The following FHIT variants were observed in gnomAD, a reference collection of about 807,000 sequenced individuals.
The protein encoded by FHIT is bis(5'-adenosyl)-triphosphatase.
FHIT carries 19 observed loss-of-function variants against 17.9 expected under a neutral mutation model. That is an observed-to-expected ratio of 1.06 (90% confidence interval 0.74 to 1.56). FHIT has a LOEUF of 1.56. Among genes scored for constraint, FHIT ranks in the 40% most tolerant of loss-of-function variants. The pLI, the probability that FHIT is intolerant of heterozygous loss-of-function variation, is 0.00. For synonymous variants in FHIT, 81 were observed against 69.7 expected (o/e 1.16, Z -0.81); for missense variants, 248 against 189.2 (o/e 1.31, Z -1.82).
At chr3:60,056,441 G>T (rs1405689319) in intron 5 of FHIT, among the ~76,000 whole-genome samples, 1 of 152,210 alleles carries the variant, frequency 6.6e-6, no homozygotes, top group Non-Finnish European at 1.5e-5. Flanking sequence ...TCTATTGTTT[G>T]CAGTAAGTTT....
At chr3:60,955,645 C>CACACAT (rs1282834077) in intron 3 of FHIT, among the ~76,000 whole-genome samples, 3 of 76,184 alleles carry the variant, frequency 3.9e-5, no homozygotes, top group African/African-American at 5.7e-5. Flanking sequence ...CACACACACA[C>CACACAT]ATATATACAT....
At chr3:60,503,916 T>A (rs536259389) in intron 5 of FHIT, among the ~76,000 whole-genome samples, 1 of 152,204 alleles carries the variant, frequency 6.6e-6, no homozygotes, top group South Asian at 2.1e-4. Context: ...CAGTATTAAA[T>A]TCTTGCTCAT....
intron 4 of FHIT, among the ~76,000 whole-genome samples, chr3:60,541,899 A>G (rs2036198692): frequency 6.6e-6 from 1 of 152,148 alleles, no homozygotes; most frequent in South Asian, 2.1e-4. Flanking sequence ...ATGAGCTACT[A>G]TTATCATGAG....
chr3:60,475,707 C>A (rs1328978287), intron 5 of FHIT, among the ~76,000 whole-genome samples: 1 of 152,200 alleles, frequency 6.6e-6, no homozygotes, highest in Non-Finnish European at 1.5e-5. Context: ...AGGTTAAGCA[C>A]CCCTACACCA....
At chr3:60,288,842 T>C (rs1291798340) in intron 5 of FHIT, among the ~76,000 whole-genome samples, 1 of 152,150 alleles carries the variant, frequency 6.6e-6, no homozygotes, top group Non-Finnish European at 1.5e-5. Flanking sequence ...AACAACTATA[T>C]CTTCAAAGGA....
intron 4 of FHIT, among the ~76,000 whole-genome samples, chr3:60,630,540 C>G (rs75870404): frequency 1.3e-5 from 2 of 152,088 alleles, no homozygotes; most frequent in Admixed American, 1.3e-4. Context: ...GTCACTGTAC[C>G]ACCACCACAA....
chr3:60,610,617 G>C (rs1313175864), intron 4 of FHIT, among the ~76,000 whole-genome samples: 9 of 152,152 alleles, frequency 5.9e-5, no homozygotes, highest in Admixed American at 1.3e-4. Context: ...GAATCAACAT[G>C]AAAAATTATT....
chr3:61,223,170 C>T (rs1560091917), intron 1 of FHIT, among the ~76,000 whole-genome samples: 1 of 152,146 alleles, frequency 6.6e-6, no homozygotes, highest in African/African-American at 2.4e-5. Flanking sequence ...CAACATCTGA[C>T]ATTTAAACTA....
At chr3:60,281,590 G>A (rs1707455999) in intron 5 of FHIT, among the ~76,000 whole-genome samples, 1 of 148,110 alleles carries the variant, frequency 6.8e-6, no homozygotes, top group African/African-American at 2.5e-5. Flanking sequence ...ACAACAAATA[G>A]TGCTAGAATA....
intron 5 of FHIT, among the ~76,000 whole-genome samples, chr3:60,145,729 C>A (rs6789183): frequency 7.2e-5 from 11 of 151,990 alleles, no homozygotes; most frequent in African/African-American, 2.7e-4. Context: ...ATCCTGGTCC[C>A]CTTTATCTAT....
chr3:60,158,465 C>G (rs907736060), intron 5 of FHIT, among the ~76,000 whole-genome samples: 1 of 152,146 alleles, frequency 6.6e-6, no homozygotes, highest in Non-Finnish European at 1.5e-5. Flanking sequence ...GCACCTGCCA[C>G]CAGGCCTAGC....
intron 5 of FHIT, among the ~76,000 whole-genome samples, chr3:60,037,362 C>A (rs1011851130): frequency 6.6e-5 from 10 of 151,788 alleles, no homozygotes; most frequent in African/African-American, 2.2e-4. Context: ...CCATTTAACC[C>A]ACTCAGCTTA....
Position 60,266,865 on chromosome 3 carries a change from C to G in FHIT, c.104-252713G>C, listed in dbSNP as rs140772710. ...CCAGTGAAGACTTTGGGGGCTAAGACAGTGATAAGTATTTACAAAACCAAG... is the reference window on the plus strand; with the variant it reads ...CCAGTGAAGACTTTGGGGGCTAAGAGAGTGATAAGTATTTACAAAACCAAG... On this transcript the variant is annotated intron_variant, in intron 5 of 9. Transcript: ENST00000492590. Among the ~76,000 whole-genome samples the G allele has an allele frequency of 5.3e-5, 8 of 152,088 alleles. No homozygotes were observed. The East Asian group carries it at 1.2e-3, about 22-fold the overall frequency.
rs2036086917 is a variant in FHIT at position 61,109,391 on chromosome 3, C to A, written c.-163-67292G>T. ...CCCTGGCCTGTCCAATGGAACATGG[C>A]TGTATAGGGAATCAAGGCCCTTTGT... On this transcript the variant is annotated intron_variant, in intron 2 of 9. Coordinates refer to ENST00000492590, the MANE Select transcript of FHIT (RefSeq NM_002012.4). 2.0e-5 allele frequency among the ~76,000 whole-genome samples: 3 copies of A among 152,236 alleles called. No individual in the cohort carries two copies. The South Asian group carries it at 6.2e-4, about 32-fold the overall frequency.
chr3:60,782,250 T>C (rs1430107090), intron 4 of FHIT, among the ~76,000 whole-genome samples: 4 of 151,292 alleles, frequency 2.6e-5, no homozygotes, highest in Non-Finnish European at 5.9e-5. Flanking sequence ...TATATATATA[T>C]ATATCACATT....
At chr3:61,181,784 T>C (rs1435998604) in intron 2 of FHIT, among the ~76,000 whole-genome samples, 1 of 152,232 alleles carries the variant, frequency 6.6e-6, no homozygotes, top group Non-Finnish European at 1.5e-5. Context: ...AAAATCTCTC[T>C]TTGTTTTGAC....
At chr3:60,410,237 T>C (rs1185035380) in intron 5 of FHIT, among the ~76,000 whole-genome samples, 2 of 152,074 alleles carry the variant, frequency 1.3e-5, no homozygotes, top group African/African-American at 4.8e-5. Flanking sequence ...GAGAAGATAA[T>C]AGGAATAGAT....
intron 2 of FHIT, among the ~76,000 whole-genome samples, chr3:61,181,965 A>G (rs1253516065): frequency 2.0e-5 from 3 of 152,146 alleles, no homozygotes. Flanking sequence ...TGGTTTAAAT[A>G]CTCTAACCAG....
intron 3 of FHIT, among the ~76,000 whole-genome samples, chr3:61,031,513 T>C (rs954285572): frequency 3.9e-5 from 6 of 152,214 alleles, no homozygotes; most frequent in Non-Finnish European, 1.5e-5. Flanking sequence ...TTCAATTTTT[T>C]CTTTTTTACC....
Sources: gnomAD v4.1 joint callset for allele counts (sites outside exome capture counted in the v4.1 genomes callset) on GRCh38, gnomAD v4.1.1 for gene constraint, MANE v1.5 for transcripts, NCBI Gene and HGNC (gene_info 2026-07-23, HGNC 2026-07-21) for gene names.